Variants in UGT1A9 observed in about 807,000 individuals in gnomAD.
UGT1A9 encodes the protein UDP glucuronosyltransferase family 1 member A9.
Under a neutral mutation model 45.0 loss-of-function variants are expected in UGT1A9, and 35 were observed. The ratio of observed to expected loss-of-function variants is 0.78; its 90% CI spans 0.59 to 1.03. The LOEUF (loss-of-function observed/expected upper bound fraction) is 1.03, where lower values mean the gene tolerates loss of function less well. Ranked by LOEUF, UGT1A9 falls within the 50% of genes least tolerant of loss-of-function variation. The probability of loss-of-function intolerance (pLI) is 0.00; values close to 1 mark genes in which losing one functional copy is unlikely to be tolerated. For synonymous variants in UGT1A9, 278 were observed against 250.6 expected (o/e 1.11, Z -1.03); for missense variants, 687 against 666.6 (o/e 1.03, Z -0.34).
At chr2:233,677,198 G>A (rs763464312) in intron 1 of UGT1A9, among the ~76,000 whole-genome samples, 14 of 152,164 alleles carry the variant, frequency 9.2e-5, no homozygotes, top group South Asian at 2.1e-4. Flanking sequence ...ATTTAGGTCC[G>A]TCATCAGTGC....
chr2:233,695,392 G>A (rs1456168296), intron 1 of UGT1A9, among the ~76,000 whole-genome samples: 1 of 151,516 alleles, frequency 6.6e-6, no homozygotes, highest in African/African-American at 2.4e-5. Context: ...CCAAAGTGCT[G>A]GGATTACAGG....
intron 1 of UGT1A9, chr2:233,682,219 C>T (rs150285310): frequency 2.9e-5 from 47 of 1,614,142 alleles, no homozygotes; most frequent in African/African-American, 2.4e-4. Context: ...TGGTTTTTGC[C>T]GATGCTCGCT....
At chr2:233,706,314 T>C (rs1191867368) in intron 1 of UGT1A9, among the ~76,000 whole-genome samples, 1 of 152,208 alleles carries the variant, frequency 6.6e-6, no homozygotes, top group Non-Finnish European at 1.5e-5. Flanking sequence ...AGATAGTGCC[T>C]TTTGGAACTA....
chr2:233,766,327 G>A (rs373926451), intron 1 of UGT1A9, among the ~76,000 whole-genome samples: 29 of 152,248 alleles, frequency 1.9e-4, no homozygotes, highest in East Asian at 9.7e-4. Context: ...CAAACTCCGC[G>A]TTGTTCTGCT....
chr2:233,679,366 G>C (rs541189452), intron 1 of UGT1A9, among the ~76,000 whole-genome samples: 1 of 152,334 alleles, frequency 6.6e-6, no homozygotes, highest in South Asian at 2.1e-4. Context: ...CAATAAAACT[G>C]TCAGTGAGTG....
chr2:233,747,406 T>C (rs111706856), intron 1 of UGT1A9: 83,939 of 1,606,544 alleles, frequency 0.052, 2,713 homozygotes, highest in Non-Finnish European at 0.063. Flanking sequence ...ACCCCAGAGG[T>C]GAATATGCAC....
chr2:233,713,501 G>T (rs771192795), intron 1 of UGT1A9: 2 of 1,613,952 alleles, frequency 1.2e-6, no homozygotes, highest in African/African-American at 2.7e-5. Flanking sequence ...TTCCTGCTGT[G>T]TTTTTCTTGA....
intron 1 of UGT1A9, among the ~76,000 whole-genome samples, chr2:233,722,884 C>T (rs1358395821): frequency 7.1e-6 from 1 of 141,226 alleles, no homozygotes; most frequent in Admixed American, 7.2e-5. Flanking sequence ...ATTTATTGCT[C>T]ATTAAGTGGA....
At chr2:233,688,834 G>A (rs560927921) in intron 1 of UGT1A9, among the ~76,000 whole-genome samples, 54 of 152,250 alleles carry the variant, frequency 3.5e-4, no homozygotes, top group African/African-American at 1.2e-3. Context: ...TGAAAGAAAA[G>A]GATGTAAAGA....
intron 4 of UGT1A9, chr2:233,770,945 C>A (rs537203065): frequency 1.3e-5 from 2 of 152,232 alleles, no homozygotes; most frequent in African/African-American, 4.8e-5. Flanking sequence ...GCCGGGGGAA[C>A]CTCAGGGAGC....
chr2:233,752,847 A>C (rs1252913320), intron 1 of UGT1A9, among the ~76,000 whole-genome samples: 1 of 152,248 alleles, frequency 6.6e-6, no homozygotes, highest in East Asian at 1.9e-4. Context: ...GATATATCAA[A>C]ATTTGAACTT....
At chr2:233,743,929 G>C in intron 1 of UGT1A9, 1 of 1,360,304 alleles carries the variant, frequency 7.4e-7, no homozygotes, top group Non-Finnish European at 9.8e-7. Flanking sequence ...TGGATGGCCA[G>C]AACGGCCCAC....
chr2:233,755,070 C>T (rs1695739797), intron 1 of UGT1A9: 5 of 1,336,550 alleles, frequency 3.7e-6, no homozygotes, highest in South Asian at 1.1e-5. Context: ...CTCGCCATAG[C>T]GGTCATAGAT....
chr2:233,698,420 T>G (rs2075440349), intron 1 of UGT1A9, among the ~76,000 whole-genome samples: 1 of 152,188 alleles, frequency 6.6e-6, no homozygotes, highest in African/African-American at 2.4e-5. Flanking sequence ...CGCAATAAAT[T>G]ATTTAAGAAA....
chr2:233,714,067 G>A (rs973279509), intron 1 of UGT1A9, among the ~76,000 whole-genome samples: 1 of 152,094 alleles, frequency 6.6e-6, no homozygotes, highest in African/African-American at 2.4e-5. Context: ...AGGAAGGAGA[G>A]GCAGGGACGA....
chr2:233,744,098 G>A, intron 1 of UGT1A9: 1 of 409,610 alleles, frequency 2.4e-6, no homozygotes, highest in South Asian at 2.0e-5. Flanking sequence ...AGTGCTTCTG[G>A]GACTGGCCCT....
chr2:233,680,877 T>A (rs573475501), intron 1 of UGT1A9, among the ~76,000 whole-genome samples: 1 of 151,960 alleles, frequency 6.6e-6, no homozygotes, highest in East Asian at 2.0e-4. Context: ...TGGGCAAGCA[T>A]AGGGACGGCG....
At chr2:233,757,312 G>C (rs1288195448) in intron 1 of UGT1A9, among the ~76,000 whole-genome samples, 2 of 141,204 alleles carry the variant, frequency 1.4e-5, no homozygotes, top group African/African-American at 2.7e-5. Flanking sequence ...GGACAGGGGG[G>C]CTGGGGCCCT....
intron 1 of UGT1A9, chr2:233,719,069 A>G (rs774814247): frequency 7.4e-6 from 12 of 1,614,284 alleles, no homozygotes; most frequent in South Asian, 1.1e-5. Flanking sequence ...ATGCTGTTCC[A>G]TGGACCCAGA....
Sources: allele counts gnomAD v4.1 joint callset (sites outside exome capture counted in the v4.1 genomes callset), GRCh38; gene constraint gnomAD v4.1.1; transcripts MANE v1.5; gene names NCBI Gene and HGNC (gene_info 2026-07-23, HGNC 2026-07-21).